The following CSMD2 variants were observed in gnomAD, a reference collection of about 807,000 sequenced individuals.
CSMD2 encodes the protein CUB and Sushi multiple domains 2.
A neutral mutation model predicts 398.5 loss-of-function variants in CSMD2; 130 were observed. The observed-to-expected ratio is 0.33, with a 90% confidence interval of 0.28 to 0.38. CSMD2 has a LOEUF of 0.38. CSMD2 is among the 10% of genes least tolerant of loss of function. CSMD2 has a pLI of 1.00. For missense variants in CSMD2, 3,829 were observed against 4,764.9 expected (o/e 0.80, Z 5.78); for synonymous variants, 1,828 against 1,908.5 (o/e 0.96, Z 1.10).
At chr1:33,694,989 C>A (rs139542396) in intron 24 of CSMD2, among the ~76,000 whole-genome samples, 2 of 152,282 alleles carry the variant, frequency 1.3e-5, no homozygotes, top group East Asian at 3.9e-4. Context: ...GGTATCCTAA[C>A]AACAAGTAGC....
At chr1:33,816,751 A>C (rs556264226) in intron 9 of CSMD2, among the ~76,000 whole-genome samples, 1 of 152,288 alleles carries the variant, frequency 6.6e-6, no homozygotes, top group South Asian at 2.1e-4. Flanking sequence ...GTGAACGCCT[A>C]ATTTCATATC....
At chr1:34,159,819 T>C (rs1641165977) in intron 1 of CSMD2, among the ~76,000 whole-genome samples, 1 of 152,200 alleles carries the variant, frequency 6.6e-6, no homozygotes, top group Non-Finnish European at 1.5e-5. Context: ...GGGAAGGACA[T>C]GGTGAGGGCA....
At chr1:33,700,010 A>ATTTTTTTTTTTTTT (rs5773425) in intron 23 of CSMD2, among the ~76,000 whole-genome samples, 1 of 148,390 alleles carries the variant, frequency 6.7e-6, no homozygotes, top group Non-Finnish European at 1.5e-5. Flanking sequence ...ACTTTACTCC[A>ATTTTTTTTTTTTTT]TTTTTTTTTT....
chr1:34,062,844 G>T (rs1399605995), intron 2 of CSMD2, among the ~76,000 whole-genome samples: 1 of 152,174 alleles, frequency 6.6e-6, no homozygotes, highest in Admixed American at 6.5e-5. Flanking sequence ...TGGGCAAGAG[G>T]AGTGTATTAG....
intron 4 of CSMD2, among the ~76,000 whole-genome samples, chr1:33,923,205 C>T (rs1558109651): frequency 1.3e-5 from 2 of 152,138 alleles, no homozygotes; most frequent in East Asian, 3.8e-4. Flanking sequence ...GAAATGTAAT[C>T]TCCAATACTG....
chr1:33,732,137 C>A (rs1646741127), intron 15 of CSMD2, among the ~76,000 whole-genome samples: 1 of 152,044 alleles, frequency 6.6e-6, no homozygotes, highest in Non-Finnish European at 1.5e-5. Context: ...CACACACACA[C>A]ACACAAAGAA....
intron 2 of CSMD2, among the ~76,000 whole-genome samples, chr1:34,060,773 G>A (rs899215823): frequency 1.3e-5 from 2 of 151,790 alleles, no homozygotes; most frequent in Non-Finnish European, 2.9e-5. Context: ...TAACCAAAAT[G>A]TCATGAATCC....
chr1:33,785,688 C>T (rs1466928053), intron 12 of CSMD2, among the ~76,000 whole-genome samples: 1 of 152,170 alleles, frequency 6.6e-6, no homozygotes, highest in East Asian at 1.9e-4. Flanking sequence ...CCTGGGCATG[C>T]CCTATCCTAC....
At chr1:33,875,472 T>G (rs1445516227) in intron 5 of CSMD2, 1 of 152,258 alleles carries the variant, frequency 6.6e-6, no homozygotes, top group Non-Finnish European at 1.5e-5. Context: ...AGAGGCAGTG[T>G]CAGCCCCCGG....
chr1:33,646,292 A>G (rs1643422359), intron 29 of CSMD2, among the ~76,000 whole-genome samples: 1 of 152,256 alleles, frequency 6.6e-6, no homozygotes, highest in Admixed American at 6.5e-5. Context: ...GCCTCATATC[A>G]GAATCCTCTT....
At chr1:33,874,731 G>A (rs1461774575) in intron 5 of CSMD2, among the ~76,000 whole-genome samples, 3 of 152,110 alleles carry the variant, frequency 2.0e-5, no homozygotes, top group African/African-American at 4.8e-5. Context: ...CCACAGCTGT[G>A]CCTCTGGCTC....
chr1:33,815,531 A>T (rs1282734419), intron 9 of CSMD2: 1 of 152,214 alleles, frequency 6.6e-6, no homozygotes, highest in East Asian at 1.9e-4. Context: ...GCATGGTTCC[A>T]TCCAATCTAT....
chr1:33,601,490 C>G (rs1404691963), intron 43 of CSMD2, among the ~76,000 whole-genome samples: 1 of 152,218 alleles, frequency 6.6e-6, no homozygotes, highest in Non-Finnish European at 1.5e-5. Flanking sequence ...CTGTCTGTTC[C>G]TAGCCATTGC....
chr1:33,660,188 G>A (rs1009554665), intron 26 of CSMD2, among the ~76,000 whole-genome samples: 3 of 152,170 alleles, frequency 2.0e-5, no homozygotes, highest in Admixed American at 6.5e-5. Flanking sequence ...GAGAAGCCTC[G>A]GAGCCCACAT....
chr1:33,586,749 T>A lies in CSMD2; in HGVS notation c.6938-132A>T, dbSNP rs1009357957. Reference sequence around the variant, plus strand: ...ACTTAAATAACTAGCTCAGCTCCCATCAAATGGCCCAGACGACTGCTCCCC... The same window carrying A: ...ACTTAAATAACTAGCTCAGCTCCCAACAAATGGCCCAGACGACTGCTCCCC... On this transcript the variant is annotated intron_variant, in intron 45 of 70. Coordinates refer to ENST00000373381, the MANE Select transcript of CSMD2 (RefSeq NM_001281956.2). The A allele has an allele frequency of 7.8e-6, 5 of 637,318 alleles. No homozygotes were observed. The East Asian group carries it at 1.1e-4, about 14-fold the overall frequency. The allele number at this position is 637,318 out of a possible 1,614,324, so 39.5% of individuals were successfully genotyped here.
intron 60 of CSMD2, among the ~76,000 whole-genome samples, chr1:33,539,112 C>A (rs1049155991): frequency 6.6e-6 from 1 of 152,112 alleles, no homozygotes; most frequent in Admixed American, 6.5e-5. Flanking sequence ...GGACTACAGG[C>A]GCCCGCCACC....
intron 47 of CSMD2, among the ~76,000 whole-genome samples, chr1:33,582,533 T>C (rs1415875387): frequency 2.0e-5 from 3 of 152,140 alleles, no homozygotes; most frequent in Non-Finnish European, 4.4e-5. Flanking sequence ...ACAATGACAA[T>C]AATTGTATAT....
chr1:33,771,733 A>G (rs1651296933), intron 13 of CSMD2, among the ~76,000 whole-genome samples: 1 of 152,114 alleles, frequency 6.6e-6, no homozygotes, highest in African/African-American at 2.4e-5. Flanking sequence ...GAGCCGGGTG[A>G]AGGATCTGAG....
At position 34,038,537 on chromosome 1, in the gene CSMD2, G is replaced by A. The variant is rs374172517; in HGVS notation, c.405-5831C>T. On this transcript the variant is annotated intron_variant, in intron 2 of 70. Transcript: ENST00000373381. The stretch of plus-strand genomic sequence containing the variant: ...TAACCCAGAGTCTTGAAAATGGGAC[G>A]GCCAGGACACCATATACTCCTCATT... Among the ~76,000 whole-genome samples the A allele has an allele frequency of 6.5e-4, 99 of 152,106 alleles. No individual in the cohort carries two copies. The South Asian group carries it at 0.019, about 29-fold the overall frequency.
Sources: gnomAD v4.1 joint callset for allele counts (sites outside exome capture counted in the v4.1 genomes callset) on GRCh38, gnomAD v4.1.1 for gene constraint, MANE v1.5 for transcripts, NCBI Gene and HGNC (gene_info 2026-07-23, HGNC 2026-07-21) for gene names.